LTBP1: variants seen among roughly 807,000 people sequenced by gnomAD.
LTBP1 encodes latent-transforming growth factor beta-binding protein 1.
Under a neutral mutation model 207.6 loss-of-function variants are expected in LTBP1, and 129 were observed. The ratio of observed to expected loss-of-function variants is 0.62; its 90% CI spans 0.54 to 0.72. The LOEUF (loss-of-function observed/expected upper bound fraction) is 0.72. LTBP1 is among the 30% of genes least tolerant of loss of function. The probability of loss-of-function intolerance (pLI) is 0.00; values close to 1 mark genes in which losing one functional copy is unlikely to be tolerated. For synonymous variants in LTBP1, 963 were observed against 833.7 expected, an observed-to-expected ratio of 1.16 and a Z score of -2.67; for missense variants, 2,281 against 2,217.2, an observed-to-expected ratio of 1.03 and a Z score of -0.58.
chr2:33,089,155 C>CAAAAAA (rs61009791), intron 3 of LTBP1, among the ~76,000 whole-genome samples: 4 of 96,404 alleles, frequency 4.1e-5, no homozygotes, highest in African/African-American at 7.4e-5. Context: ...GACTCAGTCT[C>CAAAAAA]AAAAAAAAAA....
chr2:33,320,087 G>A (rs1207500344), intron 24 of LTBP1, among the ~76,000 whole-genome samples: 1 of 152,186 alleles, frequency 6.6e-6, no homozygotes, highest in East Asian at 1.9e-4. Context: ...TGTGATAAAG[G>A]CTGGGCATGG....
At chr2:32,978,404 T>C (rs1682169173) in intron 2 of LTBP1, among the ~76,000 whole-genome samples, 1 of 152,202 alleles carries the variant, frequency 6.6e-6, no homozygotes, top group Admixed American at 6.5e-5. Flanking sequence ...GAGTGCTTTT[T>C]TTCATGAAGG....
At chr2:33,198,108 A>G (rs557737650) in intron 7 of LTBP1, among the ~76,000 whole-genome samples, 6 of 152,316 alleles carry the variant, frequency 3.9e-5, no homozygotes, top group Middle Eastern at 3.4e-3. Context: ...CTTAGAAAAT[A>G]TTTTAAAAAC....
At chr2:33,203,903 C>G (rs772519720) in intron 7 of LTBP1, among the ~76,000 whole-genome samples, 1 of 152,108 alleles carries the variant, frequency 6.6e-6, no homozygotes, top group East Asian at 1.9e-4. Context: ...TTTTAAGAGA[C>G]GATGGCTTGA....
chr2:32,970,741 C>T (rs900873427), intron 2 of LTBP1, among the ~76,000 whole-genome samples: 1 of 144,702 alleles, frequency 6.9e-6, no homozygotes, highest in Non-Finnish European at 1.5e-5. Flanking sequence ...GTTGTTTGGG[C>T]TCTTTTTTTT....
At chr2:33,341,203 A>G (rs973108740) in intron 24 of LTBP1, among the ~76,000 whole-genome samples, 2 of 151,984 alleles carry the variant, frequency 1.3e-5, no homozygotes, top group African/African-American at 4.8e-5. Context: ...GGGCGATGAT[A>G]TGATCAGGTG....
In LTBP1 at chr2:33,365,351, A is replaced by G; in HGVS notation, c.4559A>G (p.Asp1520Gly). 1.2e-6 allele frequency: 2 copies of G among 1,614,174 alleles called. No individual in the cohort carries two copies. The highest frequency in any genetic ancestry group is 1.1e-5 in the South Asian group (1 of 91,078). Residue 1520 changes from aspartate to glycine, a missense_variant, in exon 31 of 34, where the codon GAT (aspartate) becomes GGT (glycine). Transcript: ENST00000404816. ...AESNEQIEET[D>G]VYQDLCWEHL... The stretch of plus-strand genomic sequence containing the variant: ...CTTTCAGAACAAATAGAAGAAACTG[A>G]TGTCTACCAAGATTTGTGCTGGGAA...
intron 25 of LTBP1, among the ~76,000 whole-genome samples, chr2:33,346,476 G>T (rs879727185): frequency 5.3e-5 from 8 of 151,946 alleles, no homozygotes; most frequent in Non-Finnish European, 1.0e-4. Context: ...TTGAGGTCAG[G>T]AGTTCATGAC....
intron 3 of LTBP1, among the ~76,000 whole-genome samples, chr2:33,107,105 AATAC>A (rs1464936609): frequency 6.6e-6 from 1 of 152,228 alleles, no homozygotes; most frequent in Non-Finnish European, 1.5e-5. Context: ...GAAGTCATGA[AATAC>A]ATGTAGTGGC....
In LTBP1 at chr2:33,262,732, C is replaced by T; in HGVS notation, c.2429C>T (p.Ser810Leu). The T allele has an allele frequency of 6.3e-7, 1 of 1,586,274 alleles. No homozygotes were observed. The highest frequency in any genetic ancestry group is 2.3e-5 in the East Asian group (1 of 44,420). Reference protein sequence around the residue: ...ATAPPEKEIPSLDQEKTKLEP... With the variant: ...ATAPPEKEIPLLDQEKTKLEP... ...AATACAACCATCCAGGAAATACCTT[C>T]ATTGGATCAAGAGAAAACCAAACTT... Residue 810 changes from serine to leucine, a missense_variant, in exon 14 of 34, where the codon TCA becomes TTA. Ser to Leu is a moderately radical substitution (Grantham distance 145, BLOSUM62 -2). Around this residue, in one of 3 missense-constraint regions of LTBP1, gnomAD observed 1,671 missense variants for 1,634.8 expected, o/e 1.02. Transcript: ENST00000404816.
At chr2:33,263,450 AT>A (rs2093078804) in intron 15 of LTBP1, 58 bp downstream of exon 15, 10 of 1,249,796 alleles carry the variant, frequency 8.0e-6, no homozygotes, top group Non-Finnish European at 1.2e-5. Context: ...GCTGAGCTTC[AT>A]TTTAAATGTA....
chr2:33,254,576 T>C (rs1447604163), intron 11 of LTBP1, among the ~76,000 whole-genome samples: 1 of 141,480 alleles, frequency 7.1e-6, no homozygotes, highest in South Asian at 2.3e-4. Flanking sequence ...TTTAGGGAGT[T>C]TGTTGTTGTT....
At chr2:32,948,766 A>G in intron 1 of LTBP1, 109 bp from the exon 2 acceptor site, 1 of 1,026,760 alleles carries the variant, frequency 9.7e-7, no homozygotes, top group Non-Finnish European at 1.5e-6. Flanking sequence ...TCTCTCATCC[A>G]GAGGGTTGCA....
At chr2:32,985,348 A>G (rs1210376027) in intron 2 of LTBP1, among the ~76,000 whole-genome samples, 1 of 152,182 alleles carries the variant, frequency 6.6e-6, no homozygotes, top group Non-Finnish European at 1.5e-5. Context: ...CAGTAAGCCC[A>G]TGATTGGCTA....
At chr2:32,999,877 C>T (rs6717003) in intron 2 of LTBP1, among the ~76,000 whole-genome samples, 17,750 of 132,206 alleles carry the variant, frequency 0.13, 4,605 homozygotes, top group Middle Eastern at 0.21. Context: ...TGTGAGAGAT[C>T]GAGGGAGGCA....
intron 4 of LTBP1, among the ~76,000 whole-genome samples, chr2:33,122,504 C>A (rs528491087): frequency 2.4e-4 from 37 of 152,294 alleles, no homozygotes; most frequent in Non-Finnish European, 3.8e-4. Flanking sequence ...GGTGGCCTGG[C>A]AGAGGCACTT....
intron 25 of LTBP1, among the ~76,000 whole-genome samples, chr2:33,343,410 C>CAAAAAA (rs60879811): frequency 9.3e-5 from 9 of 97,226 alleles, no homozygotes; most frequent in East Asian, 3.2e-4. Flanking sequence ...GACCCTGTCT[C>CAAAAAA]AAAAAAAAAA....
chr2:33,020,647 C>A (rs1215774634), intron 2 of LTBP1, among the ~76,000 whole-genome samples: 3 of 152,154 alleles, frequency 2.0e-5, no homozygotes, highest in Non-Finnish European at 2.9e-5. Flanking sequence ...GTAAAGTGGG[C>A]ACAATAAAAT....
chr2:33,024,417 G>A (rs2075318215), intron 3 of LTBP1, among the ~76,000 whole-genome samples: 1 of 152,210 alleles, frequency 6.6e-6, no homozygotes, highest in Admixed American at 6.5e-5. Flanking sequence ...CTGCAGATAT[G>A]TAGGGGTGAG....
Sources: gnomAD v4.1 joint callset for allele counts (sites outside exome capture counted in the v4.1 genomes callset) on GRCh38, gnomAD v4.1.1 for gene constraint, gnomAD v4.1.1 regional missense constraint, MANE v1.5 for transcripts, NCBI Gene and HGNC (gene_info 2026-07-23, HGNC 2026-07-21) for gene names.